Variants in SLC2A12 observed in about 807,000 individuals in gnomAD.
SLC2A12 encodes solute carrier family 2, facilitated glucose transporter member 12.
A neutral mutation model predicts 41.8 loss-of-function variants in SLC2A12; 23 were observed. That is an observed-to-expected ratio of 0.55 (90% CI 0.40 to 0.78). The LOEUF is 0.78. SLC2A12 is among the 30% of genes least tolerant of loss of function. SLC2A12 has a pLI of 0.00. For synonymous variants in SLC2A12, 295 were observed against 285.9 expected (o/e 1.03, Z -0.32); for missense variants, 654 against 745.6 (o/e 0.88, Z 1.43).
chr6:134,001,033 G>A (rs1034389539), intron 4 of SLC2A12, among the ~76,000 whole-genome samples: 4 of 152,134 alleles, frequency 2.6e-5, no homozygotes, highest in East Asian at 3.9e-4. Context: ...CTACACTTCC[G>A]GGACCCACCC....
At chr6:133,997,309 T>C (rs12173897) in intron 4 of SLC2A12, among the ~76,000 whole-genome samples, 30,931 of 151,932 alleles carry the variant, frequency 0.2, 3,586 homozygotes, top group East Asian at 0.42. Flanking sequence ...ACTGAGTATA[T>C]ACCCAAAGGA....
At chr6:134,025,533 C>T (rs932326036) in intron 2 of SLC2A12, among the ~76,000 whole-genome samples, 11 of 152,026 alleles carry the variant, frequency 7.2e-5, no homozygotes, top group African/African-American at 1.2e-4. Context: ...GACAACCAGC[C>T]GACAGAATGT....
At chr6:134,034,112 C>T (rs1000736226) in intron 1 of SLC2A12, among the ~76,000 whole-genome samples, 3 of 152,082 alleles carry the variant, frequency 2.0e-5, no homozygotes, top group Non-Finnish European at 4.4e-5. Flanking sequence ...ATCATAAAAA[C>T]CTTTTACAAT....
intron 1 of SLC2A12, among the ~76,000 whole-genome samples, chr6:134,041,396 T>C (rs1311321247): frequency 6.6e-6 from 1 of 152,002 alleles, no homozygotes; most frequent in Non-Finnish European, 1.5e-5. Context: ...GGCAGGAGGA[T>C]TGCTTGTGGC....
intron 1 of SLC2A12, among the ~76,000 whole-genome samples, chr6:134,042,721 T>C (rs921950069): frequency 3.3e-5 from 5 of 151,996 alleles, no homozygotes; most frequent in African/African-American, 1.2e-4. Flanking sequence ...TCCCAGCACT[T>C]TGGGAGGCAG....
intron 3 of SLC2A12, among the ~76,000 whole-genome samples, chr6:134,005,653 C>T (rs1158860247): frequency 1.3e-5 from 1 of 78,524 alleles, no homozygotes; most frequent in East Asian, 4.2e-4. Flanking sequence ...GAGTGAGACT[C>T]TGTCTTAAAA....
intron 2 of SLC2A12, among the ~76,000 whole-genome samples, chr6:134,020,981 C>A (rs922980029): frequency 9.2e-5 from 14 of 152,204 alleles, no homozygotes; most frequent in Admixed American, 8.5e-4. Flanking sequence ...GTCCAAAATT[C>A]TCGAATAACT....
At chr6:134,032,468 T>TTATATATATATAAATATATA (rs1777231327) in intron 1 of SLC2A12, among the ~76,000 whole-genome samples, 1 of 34,302 alleles carries the variant, frequency 2.9e-5, no homozygotes, top group African/African-American at 1.4e-4. Flanking sequence ...ATATATATTT[T>TTATATATATATAAATATATA]TATATATATA....
At chr6:134,001,389 A>T (rs989524156) in intron 4 of SLC2A12, among the ~76,000 whole-genome samples, 1 of 152,240 alleles carries the variant, frequency 6.6e-6, no homozygotes, top group African/African-American at 2.4e-5. Context: ...AGTTTCAGGA[A>T]AAAATCAGGT....
chr6:134,039,306 C>T (rs73776504), intron 1 of SLC2A12, among the ~76,000 whole-genome samples: 34 of 152,310 alleles, frequency 2.2e-4, no homozygotes, highest in African/African-American at 7.9e-4. Context: ...CCACTCTACA[C>T]GTCATTGATC....
chr6:134,028,278 A>G, intron 2 of SLC2A12, 103 bp downstream of exon 2: 1 of 1,428,278 alleles, frequency 7.0e-7, no homozygotes, highest in African/African-American at 1.4e-5. Flanking sequence ...CAGATGACCA[A>G]TGTTATCCTT....
At chr6:134,050,686 T>G (rs1438201035) in intron 1 of SLC2A12, among the ~76,000 whole-genome samples, 1 of 152,214 alleles carries the variant, frequency 6.6e-6, no homozygotes, top group Non-Finnish European at 1.5e-5. Flanking sequence ...CTGTATTTAG[T>G]GAGCCCTTTT....
At chr6:134,035,664 T>C (rs1279933546) in intron 1 of SLC2A12, among the ~76,000 whole-genome samples, 1 of 152,186 alleles carries the variant, frequency 6.6e-6, no homozygotes, top group Non-Finnish European at 1.5e-5. Flanking sequence ...CTCTGTCTCC[T>C]GTGATAGGAG....
chr6:134,046,520 G>A (rs1185851598), intron 1 of SLC2A12, among the ~76,000 whole-genome samples: 1 of 152,142 alleles, frequency 6.6e-6, no homozygotes, highest in African/African-American at 2.4e-5. Context: ...GAATAATTAG[G>A]TGGGCAGCGG....
At chr6:134,001,960 A>C (rs1232542381) in intron 4 of SLC2A12, 37 bp downstream of exon 4, 3 of 1,589,214 alleles carry the variant, frequency 1.9e-6, no homozygotes, top group Non-Finnish European at 8.5e-7. Flanking sequence ...TTTTGACCAA[A>C]GAGTATTGTT....
At chr6:133,995,375 C>T (rs1028502172) in intron 4 of SLC2A12, among the ~76,000 whole-genome samples, 1 of 152,026 alleles carries the variant, frequency 6.6e-6, no homozygotes, top group South Asian at 2.1e-4. Flanking sequence ...ATAGGAAGGA[C>T]TGCATTCCTA....
chr6:134,037,429 G>C (rs974036547), intron 1 of SLC2A12, among the ~76,000 whole-genome samples: 2 of 151,252 alleles, frequency 1.3e-5, no homozygotes, highest in Non-Finnish European at 2.9e-5. Context: ...GCATGATCTC[G>C]GCTCACTCTC....
At chr6:134,048,023 C>T (rs1777482199) in intron 1 of SLC2A12, among the ~76,000 whole-genome samples, 3 of 152,260 alleles carry the variant, frequency 2.0e-5, no homozygotes, top group African/African-American at 4.8e-5. Context: ...AGACCACTGC[C>T]GCGTACGATG....
intron 2 of SLC2A12, among the ~76,000 whole-genome samples, chr6:134,021,878 G>A (rs1777045021): frequency 6.6e-6 from 1 of 152,212 alleles, no homozygotes; most frequent in Admixed American, 6.5e-5. Flanking sequence ...TAGAGCAGAG[G>A]CGGAAGGAAG....
Sources: gnomAD v4.1 joint callset for allele counts (sites outside exome capture counted in the v4.1 genomes callset) on GRCh38, gnomAD v4.1.1 for gene constraint, MANE v1.5 for transcripts, NCBI Gene and HGNC (gene_info 2026-07-23, HGNC 2026-07-21) for gene names.